The following SYNPO variants were observed in gnomAD, a reference collection of about 807,000 sequenced individuals.
The protein encoded by SYNPO is synaptopodin.
A neutral mutation model predicts 49.5 loss-of-function variants in SYNPO; 19 were observed. The observed-to-expected ratio is 0.38, with a 90% CI of 0.27 to 0.56. SYNPO has a LOEUF of 0.56. Ranked by LOEUF, SYNPO falls within the 20% of genes least tolerant of loss-of-function variation. The probability of loss-of-function intolerance (pLI) is 0.68; values close to 1 mark genes in which losing one functional copy is unlikely to be tolerated. For missense variants in SYNPO, 1,131 were observed against 1,248.3 expected (o/e 0.91, Z 1.42); for synonymous variants, 536 against 548.0 (o/e 0.98, Z 0.31).
the SYNPO span, among the ~76,000 whole-genome samples, chr5:150,592,867 C>G: frequency 2.6e-5 from 4 of 152,336 alleles, no homozygotes; most frequent in East Asian, 5.8e-4. Flanking sequence ...ACCTACCAGT[C>G]CTGCCCACCC....
At chr5:150,653,014 G>A (rs1758443145) in intron 2 of SYNPO, 1 of 152,180 alleles carries the variant, frequency 6.6e-6, no homozygotes, top group African/African-American at 2.4e-5. Context: ...GACAGTCCAG[G>A]TTTGACTGTG....
In SYNPO at chr5:150,649,350, G is replaced by T. The variant is rs1337048719; in HGVS notation, c.1075G>T (p.Val359Phe). Residue 359 changes from valine (V) to phenylalanine (F), a missense_variant, in exon 2 of 3, where the codon GTT (valine) becomes TTT (phenylalanine). By Grantham distance (50) the Val-to-Phe change is conservative. Coordinates refer to ENST00000307662, the MANE Select transcript of SYNPO (RefSeq NM_007286.6). Reference protein sequence around the residue: ...PKSSHLKGQAVPASKTGILEE... With the variant: ...PKSSHLKGQAFPASKTGILEE... ...GTCTTCTCATCTGAAGGGCCAGGCG[G>T]TTCCTGCCAGCAAGACGGGCATTCT... The T allele has an allele frequency of 1.9e-6, 3 of 1,614,098 alleles. No homozygotes were observed. The highest frequency in any genetic ancestry group is 4.5e-5 in the East Asian group (2 of 44,894).
At position 150,656,648 on chromosome 5, in the gene SYNPO, C is replaced by T. The variant is rs764179942; in HGVS notation, c.2273C>T (p.Ala758Val). The change falls in exon 3 of 3, where the codon GCG becomes GTG. Residue 758 changes from alanine (A) to valine (V), a missense_variant. Coordinates refer to ENST00000307662, the MANE Select transcript of SYNPO (RefSeq NM_007286.6). ...PPSRQLQALL[A>V]RNIINAARRK... ...AGCCGCCAGCTGCAGGCGCTTCTGG[C>T]GCGAAACATCATCAATGCGGCCCGG... 2 of 1,507,402 alleles carry T rather than the reference C, an allele frequency of 1.3e-6. No homozygotes were observed. Among genetic ancestry groups the T allele is most frequent in the South Asian group, 1.2e-5 (1 of 81,068 alleles). 93.4% of individuals were successfully genotyped at this position (1,507,402 alleles called of 1,614,324 possible).
Position 150,656,663 on chromosome 5 carries a change from A to T in SYNPO, c.2288A>T (p.Asn763Ile). Residue 763 changes from asparagine to isoleucine, a missense_variant, in exon 3 of 3, where the codon AAT becomes ATT. This residue lies in a region of SYNPO where 509 missense variants were observed against 484.5 expected (regional missense o/e 1.05). Coordinates refer to ENST00000307662, the MANE Select transcript of SYNPO (RefSeq NM_007286.6). ...GCGCTTCTGGCGCGAAACATCATCA[A>T]TGCGGCCCGGCGCAAGAGCGCCTCC... ...LQALLARNIINAARRKSASPR... is the reference protein window; with the variant it reads ...LQALLARNIIIAARRKSASPR... The T allele has an allele frequency of 6.7e-7, 1 of 1,496,076 alleles. No homozygotes were observed. The highest frequency in any genetic ancestry group is 8.8e-7 in the Non-Finnish European group (1 of 1,130,318). 92.7% of individuals were successfully genotyped at this position (1,496,076 alleles called of 1,614,324 possible).
chr5:150,634,838 ACACACACACACACACACACACACAC>A (rs1321910869), intron 2 of SYNPO, among the ~76,000 whole-genome samples: 3 of 106,790 alleles, frequency 2.8e-5, no homozygotes, highest in Non-Finnish European at 5.4e-5. Flanking sequence ...ACACACACAC[ACACACACACACACACACACACACAC>A]CACACACACA....
intron 1 of SYNPO, among the ~76,000 whole-genome samples, chr5:150,644,140 C>T (rs1758007059): frequency 6.6e-6 from 1 of 150,934 alleles, no homozygotes; most frequent in African/African-American, 2.4e-5. Flanking sequence ...GTGCCACTGC[C>T]CTCCAGCGAC....
At chr5:150,643,026 C>G (rs1757963850) in intron 1 of SYNPO, among the ~76,000 whole-genome samples, 1 of 152,202 alleles carries the variant, frequency 6.6e-6, no homozygotes, top group Non-Finnish European at 1.5e-5. Flanking sequence ...TTCTAAAGGC[C>G]CTTCATATTC....
intron 1 of SYNPO, among the ~76,000 whole-genome samples, chr5:150,646,175 C>CAAA (rs34260941): frequency 7.6e-6 from 1 of 131,644 alleles, no homozygotes; most frequent in Non-Finnish European, 1.7e-5. Flanking sequence ...ACAAAAAATA[C>CAAA]AAAAAAAAAA....
upstream of SYNPO, among the ~76,000 whole-genome samples, chr5:150,637,833 GC>G (rs1232262627): frequency 6.6e-6 from 1 of 152,240 alleles, no homozygotes; most frequent in Non-Finnish European, 1.5e-5. Flanking sequence ...TAAGAAGGAA[GC>G]TGCTGAGACA....
In SYNPO at chr5:150,656,706, C is replaced by G. The variant is rs766353217; in HGVS notation, c.2331C>G (p.Ala777=). The G allele has an allele frequency of 4.1e-6, 6 of 1,447,126 alleles. No individual in the cohort carries two copies. In the East Asian group the frequency reaches 1.5e-4, roughly 37 times the overall value. The allele number at this position is 1,447,126 out of a possible 1,614,324, so 89.6% of individuals were successfully genotyped here. A position where few individuals can be genotyped will look rare whatever the true frequency, so the allele number is the denominator to read the frequency against. The stretch of plus-strand genomic sequence containing the variant: ...GCGCCTCCCCGCGGTCGGCGGGCGC[C>G]GAGAACCCGCGGCCCTTCTCCCCGC... ...RKSASPRSAG[A]ENPRPFSPPR... Residue 777 remains alanine (A), a synonymous_variant, in exon 3 of 3, where the codon GCC becomes GCG. Transcript: ENST00000307662.
chr5:150,625,195 C>T (rs957847396), intron 2 of SYNPO, among the ~76,000 whole-genome samples: 3 of 152,216 alleles, frequency 2.0e-5, no homozygotes, highest in Non-Finnish European at 1.5e-5. Flanking sequence ...CCAGCCCTTG[C>T]GCCCCTCCCC....
At chr5:150,592,277 C>A in the SYNPO span, among the ~76,000 whole-genome samples, 2 of 152,028 alleles carry the variant, frequency 1.3e-5, no homozygotes, top group Non-Finnish European at 2.9e-5. Flanking sequence ...CTAAATATTG[C>A]GGAGGCCCTA....
chr5:150,602,725 G>C (rs1306909379), intron 1 of SYNPO, among the ~76,000 whole-genome samples: 1 of 151,886 alleles, frequency 6.6e-6, no homozygotes, highest in African/African-American at 2.4e-5. Context: ...ATTTTTTGTA[G>C]AGACAGGGTC....
intron 2 of SYNPO, among the ~76,000 whole-genome samples, chr5:150,623,564 A>G (rs1757248471): frequency 6.6e-6 from 1 of 151,762 alleles, no homozygotes. Flanking sequence ...AGATGATGAG[A>G]GCAGAGCAGC....
the SYNPO span, among the ~76,000 whole-genome samples, chr5:150,590,894 C>T: frequency 1.3e-5 from 2 of 152,154 alleles, no homozygotes; most frequent in African/African-American, 4.8e-5. Context: ...TGCTATACCT[C>T]CCCGTCCTCA....
At chr5:150,636,313 A>C (rs906926565), upstream of SYNPO, among the ~76,000 whole-genome samples, 1 of 152,222 alleles carries the variant, frequency 6.6e-6, no homozygotes, top group Non-Finnish European at 1.5e-5. Context: ...TCACATTTGA[A>C]ATGTATATAA....
upstream of SYNPO, among the ~76,000 whole-genome samples, chr5:150,599,383 G>A (rs1450338647): frequency 6.6e-6 from 1 of 152,196 alleles, no homozygotes; most frequent in Non-Finnish European, 1.5e-5. Context: ...TCCTGGCAGG[G>A]GCCAGGAAAG....
chr5:150,657,032 G>GCA lies in SYNPO; in HGVS notation c.2658_2659dup (p.Ser887ThrfsTer53). On this transcript the variant is annotated frameshift_variant, in exon 3 of 3. Coordinates refer to ENST00000307662, the MANE Select transcript of SYNPO (RefSeq NM_007286.6). LOFTEE classifies it high-confidence loss of function. The stretch of plus-strand genomic sequence containing the variant: ...AATATCTGTCCCCGCGGGTGGAATG[G>GCA]CAGCCTTCGGCTCAAGCGTGGCAGC... 6.2e-7 allele frequency: 1 copy of GCA among 1,603,086 alleles called. No individual in the cohort carries two copies. Among genetic ancestry groups the GCA allele is most frequent in the Non-Finnish European group, 8.5e-7 (1 of 1,176,018 alleles).
At chr5:150,655,777 G>A (rs1424854689) in intron 2 of SYNPO, among the ~76,000 whole-genome samples, 2 of 152,032 alleles carry the variant, frequency 1.3e-5, no homozygotes, top group African/African-American at 2.4e-5. Flanking sequence ...CTCAGCCCCC[G>A]CAGTAGCTGG....
Sources: gnomAD v4.1 joint callset for allele counts (sites outside exome capture counted in the v4.1 genomes callset) on GRCh38, gnomAD v4.1.1 for gene constraint, gnomAD v4.1.1 regional missense constraint, MANE v1.5 for transcripts, NCBI Gene and HGNC (gene_info 2026-07-23, HGNC 2026-07-21) for gene names.